The following NDST4 variants were observed in gnomAD, a reference collection of about 807,000 sequenced individuals.
The protein encoded by NDST4 is N-deacetylase and N-sulfotransferase 4.
In NDST4, 63 loss-of-function variants were observed where a neutral mutation model predicts 100.8. The ratio of observed to expected loss-of-function variants is 0.62; its 90% CI spans 0.51 to 0.77. The LOEUF (loss-of-function observed/expected upper bound fraction) is 0.77, where lower values mean the gene tolerates loss of function less well. Ranked by LOEUF, NDST4 falls within the 30% of genes least tolerant of loss-of-function variation. NDST4 has a pLI of 0.00. For synonymous variants in NDST4, 377 were observed against 361.8 expected (o/e 1.04, Z -0.48); for missense variants, 943 against 1,018.4 (o/e 0.93, Z 1.01).
At position 115,023,025 on chromosome 4, in the gene NDST4, C is replaced by T. The variant is rs112361324; in HGVS notation, c.979-45751G>A. On this transcript the variant is annotated intron_variant, in intron 2 of 13. Transcript: ENST00000264363. ...CATTGTATGTTCTCACTCATAAGCG[C>T]GAGCTAAGCTATGAGGATGCAAAGG... is the stretch of plus-strand genomic sequence containing the variant. Among the ~76,000 whole-genome samples, 375 of 152,192 alleles carry T rather than the reference C, an allele frequency of 2.5e-3. 1 individual carries two copies. The highest frequency in any genetic ancestry group is 8.4e-3 in the African/African-American group (348 of 41,542).
intron 2 of NDST4, among the ~76,000 whole-genome samples, chr4:115,017,583 C>T (rs1727705613): frequency 6.6e-6 from 1 of 151,958 alleles, no homozygotes; most frequent in South Asian, 2.1e-4. Context: ...TGGGAAACAC[C>T]AGATATAAAC....
intron 7 of NDST4, among the ~76,000 whole-genome samples, chr4:114,858,200 C>A (rs1723839554): frequency 6.6e-6 from 1 of 152,134 alleles, no homozygotes; most frequent in Non-Finnish European, 1.5e-5. Context: ...CATTATCCTG[C>A]CACTTAGTGA....
In NDST4 at chr4:114,937,393, T is replaced by C; in HGVS notation, c.1332A>G (p.Gln444=). The stretch of plus-strand genomic sequence containing the variant: ...GTGGATATTCTTCAGTGCTGGTGAC[T>C]TGAATACCCCAGACCTTCTTCCAAG... ...YAAWKKVWGI[Q]VTSTEEYPHL... is the part of the protein sequence containing the mutation. Residue 444 remains glutamine (Q), a synonymous_variant, in exon 5 of 14, where the codon CAA becomes CAG. Transcript: ENST00000264363. 7 of 1,614,102 alleles carry C rather than the reference T, an allele frequency of 4.3e-6. No homozygotes were observed. Among genetic ancestry groups the C allele is most frequent in the Non-Finnish European group, 5.9e-6 (7 of 1,179,986 alleles).
chr4:114,938,059 C>A (rs1725671887), intron 4 of NDST4, among the ~76,000 whole-genome samples: 1 of 152,080 alleles, frequency 6.6e-6, no homozygotes. Context: ...AGAAGAAGAA[C>A]CTAGTGACAG....
At chr4:114,967,664 T>G (rs1201029590) in intron 4 of NDST4, among the ~76,000 whole-genome samples, 1 of 152,120 alleles carries the variant, frequency 6.6e-6, no homozygotes, top group African/African-American at 2.4e-5. Context: ...TTACTCAAGG[T>G]AAGTTTATTT....
chr4:115,069,755 C>T lies in NDST4; in HGVS notation c.978+6304G>A, dbSNP rs181828862. Among the ~76,000 whole-genome samples, 647 of 152,128 alleles carry T rather than the reference C, an allele frequency of 4.3e-3. 10 individuals are homozygous for T. Among genetic ancestry groups the T allele is most frequent in the Admixed American group, 0.027 (417 of 15,278 alleles). On this transcript the variant is annotated intron_variant, in intron 2 of 13. Coordinates refer to ENST00000264363, the MANE Select transcript of NDST4 (RefSeq NM_022569.3). Reference sequence around the variant, plus strand: ...TACTAAAGCTGGGTGTGGTGGCACACGTCTGTATTCCCAGCTACTCAGGAA... The same window carrying T: ...TACTAAAGCTGGGTGTGGTGGCACATGTCTGTATTCCCAGCTACTCAGGAA...
intron 6 of NDST4, among the ~76,000 whole-genome samples, chr4:114,927,913 G>A (rs1177327407): frequency 6.6e-6 from 1 of 152,124 alleles, no homozygotes; most frequent in East Asian, 1.9e-4. Context: ...TATACACTAA[G>A]AGTCAGCTGG....
At chr4:115,112,975 C>T (rs760627882) in intron 1 of NDST4, among the ~76,000 whole-genome samples, 1 of 151,874 alleles carries the variant, frequency 6.6e-6, no homozygotes, top group Admixed American at 6.6e-5. Context: ...ACAGAGCATG[C>T]CTATAAATCT....
chr4:115,105,855 C>A (rs1319229474), intron 1 of NDST4, among the ~76,000 whole-genome samples: 1 of 152,090 alleles, frequency 6.6e-6, no homozygotes, highest in Non-Finnish European at 1.5e-5. Context: ...AAAAAAGTAT[C>A]TAATATATAA....
chr4:114,884,151 A>C (rs1724429664), intron 6 of NDST4, among the ~76,000 whole-genome samples: 1 of 152,156 alleles, frequency 6.6e-6, no homozygotes, highest in South Asian at 2.1e-4. Flanking sequence ...TATGCTGCCC[A>C]GAGCTGACGC....
intron 6 of NDST4, among the ~76,000 whole-genome samples, chr4:114,920,965 C>A (rs1045193902): frequency 6.6e-6 from 1 of 152,124 alleles, no homozygotes; most frequent in African/African-American, 2.4e-5. Context: ...CTAGTAAGGG[C>A]TTTAAGTTTT....
At chr4:115,109,253 C>A (rs555958818) in intron 1 of NDST4, among the ~76,000 whole-genome samples, 45 of 151,942 alleles carry the variant, frequency 3.0e-4, no homozygotes, top group African/African-American at 9.6e-4. Context: ...GTGAACCTGG[C>A]CAAGCTAACT....
At chr4:115,042,592 A>G (rs987953120) in intron 2 of NDST4, among the ~76,000 whole-genome samples, 1 of 152,084 alleles carries the variant, frequency 6.6e-6, no homozygotes, top group African/African-American at 2.4e-5. Context: ...CTAACTGATA[A>G]ATTAAATTTT....
At chr4:115,103,775 T>C (rs921623809) in intron 1 of NDST4, among the ~76,000 whole-genome samples, 7 of 152,194 alleles carry the variant, frequency 4.6e-5, no homozygotes, top group Non-Finnish European at 1.0e-4. Context: ...GATAGTAACA[T>C]GTAAATATAT....
At chr4:114,986,591 A>G (rs1482347120) in intron 2 of NDST4, among the ~76,000 whole-genome samples, 1 of 151,814 alleles carries the variant, frequency 6.6e-6, no homozygotes, top group Non-Finnish European at 1.5e-5. Context: ...GTTCATAAAG[A>G]TCATCTCAAA....
chr4:114,902,556 G>C (rs1489290226), intron 6 of NDST4, among the ~76,000 whole-genome samples: 1 of 151,936 alleles, frequency 6.6e-6, no homozygotes, highest in East Asian at 1.9e-4. Context: ...TTTTGGGGGA[G>C]ATTTATCCTC....
chr4:114,998,876 A>G (rs899608878), intron 2 of NDST4, among the ~76,000 whole-genome samples: 1 of 152,066 alleles, frequency 6.6e-6, no homozygotes, highest in Non-Finnish European at 1.5e-5. Context: ...GAGTTACCTC[A>G]TCCACCAAGC....
intron 4 of NDST4, among the ~76,000 whole-genome samples, chr4:114,963,390 A>G (rs1174788677): frequency 6.6e-6 from 1 of 152,042 alleles, no homozygotes; most frequent in Non-Finnish European, 1.5e-5. Flanking sequence ...CAAATCTGTG[A>G]AGACAAAAAG....
Position 114,937,637 on chromosome 4 carries a change from G to C in NDST4, c.1222-134C>G, listed in dbSNP as rs1725658835. 7 of 686,430 alleles carry C rather than the reference G, an allele frequency of 1.0e-5. No homozygotes were observed. The East Asian group carries it at 2.1e-4, about 21-fold the overall frequency. The allele number at this position is 686,430 out of a possible 1,614,324, so 42.5% of individuals were successfully genotyped here. A position where few individuals can be genotyped will look rare whatever the true frequency, so the allele number is the denominator to read the frequency against. ...AGAATTAAAAATCCAGCAAGGTAGA[G>C]GTTTTATCTTCGAGCAGCTCATAAT... On this transcript the variant is annotated intron_variant, in intron 4 of 13. Transcript: ENST00000264363.
Sources: allele counts gnomAD v4.1 joint callset (sites outside exome capture counted in the v4.1 genomes callset), GRCh38; gene constraint gnomAD v4.1.1; transcripts MANE v1.5; gene names NCBI Gene and HGNC (gene_info 2026-07-23, HGNC 2026-07-21).